The following ATP11C variants were observed in gnomAD, a reference collection of about 807,000 sequenced individuals.
ATP11C encodes phospholipid-transporting ATPase IG.
A neutral mutation model predicts 97.4 loss-of-function variants in ATP11C; 36 were observed. That is an observed-to-expected ratio of 0.37 (90% CI 0.28 to 0.49). ATP11C has a LOEUF of 0.49. Ranked by LOEUF, ATP11C falls within the 20% of genes least tolerant of loss-of-function variation. The pLI is 0.98. For missense variants in ATP11C, 730 were observed against 824.6 expected (o/e 0.89, Z 1.40); for synonymous variants, 275 against 290.9 (o/e 0.95, Z 0.56).
chrX:139,847,702 C>CAAA (rs775132290), intron 1 of ATP11C, among the ~76,000 whole-genome samples: 2 of 85,076 alleles, frequency 2.4e-5, no homozygotes, highest in African/African-American at 8.5e-5. Flanking sequence ...GAACCTATCT[C>CAAA]AAAAAAAAAA....
Position 139,782,581 on chromosome X carries a change from T to A in ATP11C, c.1918A>T (p.Met640Leu). ...EKVFDDIETNMNLIGATAVED... is the reference protein window; with the variant it reads ...EKVFDDIETNLNLIGATAVED... Reference sequence around the variant, plus strand: ...ACTGCAGTGGCTCCAATTAAATTCATGTTTGTCTCAATATCATCGAAAACT... The same window carrying A: ...ACTGCAGTGGCTCCAATTAAATTCAAGTTTGTCTCAATATCATCGAAAACT... Residue 640 changes from methionine (M) to leucine (L), a missense_variant, in exon 18 of 30, where the codon ATG (methionine) becomes TTG (leucine). Physicochemically the swap from Met to Leu is conservative, Grantham distance 15 (BLOSUM62 2). Transcript: ENST00000682941. The A allele has an allele frequency of 8.3e-7, 1 of 1,206,584 alleles. No homozygotes were observed. Among genetic ancestry groups the A allele is most frequent in the Non-Finnish European group, 1.1e-6 (1 of 892,939 alleles).
At chrX:139,816,556 C>A (rs887130341) in intron 4 of ATP11C, among the ~76,000 whole-genome samples, 5 of 111,955 alleles carry the variant, frequency 4.5e-5, no homozygotes, top group Admixed American at 3.8e-4. Context: ...GTTTTTCACA[C>A]AGACATACCA....
chrX:139,761,937 A>G (rs746014982), intron 22 of ATP11C, 24 bp downstream of exon 22: 17 of 1,069,400 alleles, frequency 1.6e-5, no homozygotes, highest in Middle Eastern at 6.7e-4. Flanking sequence ...AAAGAAATTA[A>G]ATTACATATA....
At chrX:139,853,651 C>A (rs1278192276) in intron 1 of ATP11C, among the ~76,000 whole-genome samples, 1 of 110,077 alleles carries the variant, frequency 9.1e-6, no homozygotes, top group East Asian at 2.8e-4. Flanking sequence ...CCCGAAAGCA[C>A]TGAGGCCATG....
intron 20 of ATP11C, among the ~76,000 whole-genome samples, chrX:139,766,041 G>A (rs144915309): frequency 0.011 from 1,219 of 111,638 alleles, 18 homozygotes; most frequent in African/African-American, 0.037. Flanking sequence ...AAGATGCCAA[G>A]GAAAATGATG....
intron 1 of ATP11C, among the ~76,000 whole-genome samples, chrX:139,828,238 T>A (rs1488769020): frequency 2.7e-5 from 3 of 111,841 alleles, no homozygotes; most frequent in African/African-American, 9.7e-5. Context: ...TTGTCCAAGG[T>A]CCTTCGCATG....
Position 139,774,717 on chromosome X carries a change from A to G in ATP11C, c.2189T>C (p.Phe730Ser). 1 of 1,209,272 alleles carries G rather than the reference A, an allele frequency of 8.3e-7. No individual in the cohort carries two copies. The highest frequency in any genetic ancestry group is 1.1e-6 in the Non-Finnish European group (1 of 893,724). ...IEYRKKLLHE[F>S]PKSTRSFKKA... ...TTTAAAGCTTCTAGTACTTTTAGGA[A>G]ACTCATGCAGCAATTTCTTGCGATA... The change falls in exon 19 of 30, where the codon TTT becomes TCT. Residue 730 changes from phenylalanine (F) to serine (S), a missense_variant. Physicochemically the swap from Phe to Ser is radical, Grantham distance 155. Transcript: ENST00000682941.
Position 139,804,553 on chromosome X carries a change from T to C in ATP11C, c.473A>G (p.Asp158Gly). The change falls in exon 6 of 30, where the codon GAT becomes GGT. Residue 158 changes from aspartate to glycine, a missense_variant. Asp to Gly is a moderately conservative substitution (Grantham distance 94, BLOSUM62 -1). Transcript: ENST00000682941. ...EVQADETFPC[D>G]LILLSSCTTD... ...GGTGCAAGATGATAGAAGAATAAGA[T>C]CACAGGGAAAGGTTTCATCTGCCTG... 1 of 1,199,953 alleles carries C rather than the reference T, an allele frequency of 8.3e-7. No individual in the cohort carries two copies. The highest frequency in any genetic ancestry group is 1.1e-6 in the Non-Finnish European group (1 of 886,407).
At chrX:139,929,793 T>C (rs888120852) in intron 1 of ATP11C, among the ~76,000 whole-genome samples, 38 of 112,117 alleles carry the variant, frequency 3.4e-4, no homozygotes, top group African/African-American at 1.2e-3. Flanking sequence ...AGTCTTCTAG[T>C]AATTCAAATG....
intron 1 of ATP11C, among the ~76,000 whole-genome samples, chrX:139,928,441 C>T (rs1308171660): frequency 9.0e-6 from 1 of 111,184 alleles, no homozygotes; most frequent in Non-Finnish European, 1.9e-5. Flanking sequence ...TGTTTAATTA[C>T]TCTGATAGTT....
upstream of ATP11C, among the ~76,000 whole-genome samples, chrX:139,936,124 C>T (rs1298679304): frequency 9.0e-6 from 1 of 111,227 alleles, no homozygotes; most frequent in Non-Finnish European, 1.9e-5. Flanking sequence ...ATAGCAAGAC[C>T]TCATCTTTAT....
intron 5 of ATP11C, among the ~76,000 whole-genome samples, chrX:139,813,996 G>A (rs1373468542): frequency 9.0e-6 from 1 of 111,422 alleles, no homozygotes; most frequent in Non-Finnish European, 1.9e-5. Context: ...CCATTCTGGT[G>A]TGGGATGTTG....
chrX:139,811,844 T>C (rs2083182868), intron 5 of ATP11C, among the ~76,000 whole-genome samples: 1 of 111,463 alleles, frequency 9.0e-6, no homozygotes, highest in African/African-American at 3.3e-5. Flanking sequence ...ATATGGCTGT[T>C]GTTGAGGGTT....
At chrX:139,919,301 A>C (rs776134695) in intron 1 of ATP11C, among the ~76,000 whole-genome samples, 29 of 109,153 alleles carry the variant, frequency 2.7e-4, no homozygotes, top group African/African-American at 9.4e-4. Context: ...GGAAAACCCT[A>C]TCTCTACTAA....
intron 18 of ATP11C, among the ~76,000 whole-genome samples, chrX:139,777,639 G>A (rs2082374141): frequency 9.0e-6 from 1 of 110,509 alleles, no homozygotes; most frequent in Non-Finnish European, 1.9e-5. Flanking sequence ...CCTTGCTAGA[G>A]GTCAACATCC....
chrX:139,930,601 G>A (rs1275741716), intron 1 of ATP11C, among the ~76,000 whole-genome samples: 5 of 111,755 alleles, frequency 4.5e-5, no homozygotes, highest in South Asian at 3.7e-4. Flanking sequence ...GGCTAAATGT[G>A]AGAAACCAAT....
chrX:139,901,779 A>G (rs2084903699), intron 1 of ATP11C, among the ~76,000 whole-genome samples: 1 of 111,915 alleles, frequency 8.9e-6, no homozygotes, highest in Admixed American at 9.5e-5. Flanking sequence ...AGTTTGACAG[A>G]GAAGTAGAAT....
chrX:139,785,433 T>G (rs1482182881), intron 15 of ATP11C, 134 bp from the exon 16 acceptor site: 2 of 448,544 alleles, frequency 4.5e-6, no homozygotes, highest in East Asian at 7.7e-5. Flanking sequence ...GGTACTTTCC[T>G]TTGTCTCAGA....
At chrX:139,882,333 G>A (rs1216881099) in intron 1 of ATP11C, among the ~76,000 whole-genome samples, 2 of 111,520 alleles carry the variant, frequency 1.8e-5, no homozygotes, top group East Asian at 2.8e-4. Flanking sequence ...GGAATTTAAC[G>A]AAAGAGAAAA....
Sources: allele counts gnomAD v4.1 joint callset (sites outside exome capture counted in the v4.1 genomes callset), GRCh38; gene constraint gnomAD v4.1.1; transcripts MANE v1.5; gene names NCBI Gene and HGNC (gene_info 2026-07-23, HGNC 2026-07-21).